Variants in CSF1R observed in about 807,000 individuals in gnomAD.
CSF1R encodes the protein colony stimulating factor 1 receptor.
Under a neutral mutation model 110.0 loss-of-function variants are expected in CSF1R, and 40 were observed. That is an observed-to-expected ratio of 0.36 (90% CI 0.28 to 0.47). The LOEUF (loss-of-function observed/expected upper bound fraction) is 0.47, where lower values mean the gene tolerates loss of function less well. Among genes scored for constraint, CSF1R ranks in the 20% least tolerant of loss-of-function variants. The pLI is 0.99. For synonymous variants in CSF1R, 523 were observed against 503.4 expected (o/e 1.04, Z -0.52); for missense variants, 1,052 against 1,253.0 (o/e 0.84, Z 2.42).
At chr5:150,095,359 C>G (rs1317835671) in intron 1 of CSF1R, among the ~76,000 whole-genome samples, 1 of 151,956 alleles carries the variant, frequency 6.6e-6, no homozygotes, top group African/African-American at 2.4e-5. Flanking sequence ...GAACATTCAC[C>G]AAGATATACC....
intron 1 of CSF1R, among the ~76,000 whole-genome samples, chr5:150,094,039 G>A (rs184359165): frequency 6.7e-6 from 1 of 150,198 alleles, no homozygotes; most frequent in Non-Finnish European, 1.5e-5. Flanking sequence ...CTTTAGCCTG[G>A]GCAACAAGAG....
At position 150,061,854 on chromosome 5, in the gene CSF1R, A is replaced by G; in HGVS notation, c.1627-5T>C. 2 of 1,614,158 alleles carry G rather than the reference A, an allele frequency of 1.2e-6. No homozygotes were observed. Among genetic ancestry groups the G allele is most frequent in the Non-Finnish European group, 1.7e-6 (2 of 1,179,996 alleles). On this transcript the variant is annotated splice_polypyrimidine_tract_variant and splice_region_variant and intron_variant, in intron 10 of 20. Coordinates refer to ENST00000675795, the MANE Select transcript of CSF1R (RefSeq NM_001288705.3). ...GCGGACCTGGTACTTGGGCTTCTGC[A>G]GAAGAGGAAGGGAGCACGTGGCAGT... is the stretch of plus-strand genomic sequence containing the variant.
At chr5:150,096,276 G>T (rs1292450648) in intron 1 of CSF1R, among the ~76,000 whole-genome samples, 1 of 152,168 alleles carries the variant, frequency 6.6e-6, no homozygotes, top group African/African-American at 2.4e-5. Context: ...TGTAATCCCA[G>T]CTACTTGGGA....
intron 6 of CSF1R, among the ~76,000 whole-genome samples, chr5:150,072,249 C>T (rs981887685): frequency 3.3e-5 from 5 of 152,086 alleles, no homozygotes; most frequent in Non-Finnish European, 7.4e-5. Context: ...ATCCTAGCAC[C>T]TTGGGAGGCC....
chr5:150,054,301 C>G (rs2113773570), intron 20 of CSF1R, 21 bp downstream of exon 20: 1 of 1,614,086 alleles, frequency 6.2e-7, no homozygotes, highest in Non-Finnish European at 8.5e-7. Flanking sequence ...GGCCACCCAC[C>G]CCAAGCCTCA....
rs368857320 is a variant in CSF1R, at chr5:150,059,762, G to T, written c.2070C>A (p.Gly690=). 5 of 1,614,146 alleles carry T rather than the reference G, an allele frequency of 3.1e-6. No individual in the cohort carries two copies. The highest frequency in any genetic ancestry group is 3.4e-6 in the Non-Finnish European group (4 of 1,180,044). ...AGTCGACGCCTCCCTCGGGGTCCTG[G>T]CCGGGGCTCAGGCTGGGTCCCAGCA... is the stretch of plus-strand genomic sequence containing the variant. ...EAMLGPSLSP[G]QDPEGGVDYK... The change falls in exon 14 of 21, where the codon GGC becomes GGA. Residue 690 remains glycine, a synonymous_variant. Transcript: ENST00000675795.
intron 5 of CSF1R, among the ~76,000 whole-genome samples, chr5:150,075,967 C>T (rs988294707): frequency 3.9e-5 from 6 of 152,202 alleles, no homozygotes; most frequent in Non-Finnish European, 7.3e-5. Flanking sequence ...TCATGCTCCT[C>T]GCCACCTCCA....
At chr5:150,091,575 C>A (rs1006904079) in intron 1 of CSF1R, among the ~76,000 whole-genome samples, 1 of 152,034 alleles carries the variant, frequency 6.6e-6, no homozygotes, top group Non-Finnish European at 1.5e-5. Flanking sequence ...TAGAGGCAGA[C>A]GGTTGACGAG....
At chr5:150,079,141 G>T (rs1190253775) in intron 3 of CSF1R, among the ~76,000 whole-genome samples, 1 of 152,208 alleles carries the variant, frequency 6.6e-6, no homozygotes, top group Non-Finnish European at 1.5e-5. Flanking sequence ...CTGAGGGGGT[G>T]TCAAGGCAGA....
chr5:150,082,130 G>C (rs1465735074), intron 1 of CSF1R, among the ~76,000 whole-genome samples: 1 of 152,220 alleles, frequency 6.6e-6, no homozygotes, highest in Admixed American at 6.5e-5. Context: ...GCCACTTGCG[G>C]GGCAGCTGTG....
chr5:150,090,229 A>G (rs1758996695), upstream of CSF1R, among the ~76,000 whole-genome samples: 2 of 152,230 alleles, frequency 1.3e-5, no homozygotes, highest in South Asian at 4.1e-4. Context: ...GAATAAAAAC[A>G]CACAGAATGA....
In CSF1R at chr5:150,069,010, C is replaced by A. The variant is rs115352583; in HGVS notation, c.1511-680G>T. ...ATTTCCTAGGTTTGTAGGAGTTAAT[C>A]GAGATAATCCCCACAAAGAGCTTAA... On this transcript the variant is annotated intron_variant, in intron 9 of 20. Coordinates refer to ENST00000675795, the MANE Select transcript of CSF1R (RefSeq NM_001288705.3). Among the ~76,000 whole-genome samples the A allele has an allele frequency of 7.4e-3, 1,128 of 152,234 alleles. 11 individuals carry two copies. The highest frequency in any genetic ancestry group is 0.025 in the African/African-American group (1,047 of 41,552).
At chr5:150,070,138 C>T (rs1757969573) in intron 8 of CSF1R, 44 bp downstream of exon 8, 8 of 1,609,558 alleles carry the variant, frequency 5.0e-6, no homozygotes, top group Non-Finnish European at 6.8e-6. Flanking sequence ...ACAGGGTGCC[C>T]AGCCCCTGAG....
At chr5:150,084,877 G>A (rs1434135362) in intron 1 of CSF1R, among the ~76,000 whole-genome samples, 1 of 152,168 alleles carries the variant, frequency 6.6e-6, no homozygotes, top group Non-Finnish European at 1.5e-5. Flanking sequence ...TCAAACCTGT[G>A]GGACTCTCTG....
rs564201986 is a variant in CSF1R, at chr5:150,058,515, T to C, written c.2133-923A>G. Reference sequence around the variant, plus strand: ...CTGGAATCCTTTGACAGAGTTGGTTTACAGGCCATTTGCCCTCGAAATTAC... The same window carrying C: ...CTGGAATCCTTTGACAGAGTTGGTTCACAGGCCATTTGCCCTCGAAATTAC... On this transcript the variant is annotated intron_variant, in intron 14 of 20. Coordinates refer to ENST00000675795, the MANE Select transcript of CSF1R (RefSeq NM_001288705.3). 3.9e-5 allele frequency among the ~76,000 whole-genome samples: 6 copies of C among 152,366 alleles called. No homozygotes were observed. The East Asian group carries it at 1.2e-3, about 29-fold the overall frequency.
rs1215575042 is a variant in CSF1R, at chr5:150,071,540, G to A, written c.1083-969C>T. Among the ~76,000 whole-genome samples the A allele has an allele frequency of 2.0e-5, 3 of 152,288 alleles. No homozygotes were observed. In the East Asian group the frequency reaches 5.8e-4, roughly 29 times the overall value. The stretch of plus-strand genomic sequence containing the variant: ...GGCCTCTGCCCAGGTCACTTCTTGA[G>A]ATAACTAACCCCTTTAACTAAAAAT... On this transcript the variant is annotated intron_variant, in intron 6 of 20. Coordinates refer to ENST00000675795, the MANE Select transcript of CSF1R (RefSeq NM_001288705.3).
chr5:150,057,941 A>G (rs1238920026), intron 14 of CSF1R, among the ~76,000 whole-genome samples: 2 of 152,156 alleles, frequency 1.3e-5, no homozygotes, highest in Non-Finnish European at 2.9e-5. Flanking sequence ...ATTGGGGCAT[A>G]TTCTAGGGCC....
chr5:150,078,194 C>T lies in CSF1R; in HGVS notation c.647G>A (p.Arg216Gln), dbSNP rs750413238. The change falls in exon 4 of 21, where the codon CGA becomes CAA. Residue 216 changes from arginine (R) to glutamine (Q), a missense_variant. By Grantham distance (43) the Arg-to-Gln change is conservative. Transcript: ENST00000675795. ...TLVPAELVRI[R>Q]GEAAQIVCSA... is the part of the protein sequence containing the mutation. ...GCACACGATCTGGGCAGCCTCCCCT[C>T]GAATCCGCACCAGCTCTGCAGGCAC... 2.0e-5 allele frequency: 33 copies of T among 1,613,990 alleles called. No individual in the cohort carries two copies. The highest frequency in any genetic ancestry group is 3.3e-5 in the Admixed American group (2 of 59,998).
Position 150,073,399 on chromosome 5 carries a change from G to A in CSF1R, c.984C>T (p.Tyr328=), listed in dbSNP as rs776667014. The change falls in exon 6 of 21, where the codon TAC becomes TAT. Residue 328 remains tyrosine, a synonymous_variant. Coordinates refer to ENST00000675795, the MANE Select transcript of CSF1R (RefSeq NM_001288705.3). ...TCCAGTTAAAACCTTGCAGGCCTGG[G>A]TAGGCCTCCACCATGACTTTGAGGT... is the stretch of plus-strand genomic sequence containing the variant. ...GLNLKVMVEA[Y]PGLQGFNWTY... 1 of 1,614,062 alleles carries A rather than the reference G, an allele frequency of 6.2e-7. No homozygotes were observed. Among genetic ancestry groups the A allele is most frequent in the Admixed American group, 1.7e-5 (1 of 60,018 alleles).
Sources: gnomAD v4.1 joint callset for allele counts (sites outside exome capture counted in the v4.1 genomes callset) on GRCh38, gnomAD v4.1.1 for gene constraint, MANE v1.5 for transcripts, NCBI Gene and HGNC (gene_info 2026-07-23, HGNC 2026-07-21) for gene names.